The following GREP1 variants were observed in gnomAD, a reference collection of about 807,000 sequenced individuals.
The protein encoded by GREP1 is glycine rich extracellular protein 1.
At chr16:2,996,617 G>A in intron 19 of GREP1, 56 bp from the exon 19 acceptor site, 1 of 399,218 alleles carries the variant, frequency 2.5e-6, no homozygotes, top group Non-Finnish European at 4.4e-6. Context: ...GAGAGCTGGG[G>A]TCTGGGGATC....
chr16:2,994,972 G>A lies in GREP1; in HGVS notation c.484+10G>A. On this transcript the variant is annotated intron_variant, in intron 13 of 34. Transcript: ENST00000573315. ...CTGGGAGCCCAGCCAGGTGAAGGGG[G>A]TACAGTCTGGGGTTCCAGGGTCTGC... 1 of 399,216 alleles carries A rather than the reference G, an allele frequency of 2.5e-6. No individual in the cohort carries two copies. 24.7% of individuals were successfully genotyped at this position (399,216 alleles called of 1,614,324 possible).
chr16:2,990,479 A>G (rs995996690), exon 6 of GREP1: 18 of 399,292 alleles, frequency 4.5e-5, no homozygotes, highest in Non-Finnish European at 7.5e-5. Flanking sequence ...ATGAAACCCC[A>G]AAACCTAGGT....
rs1266650301 is a variant in GREP1, at chr16:2,992,441, C to T, written c.323-364C>T. ...AAACGGACCGGGAACCCAGCCAGGT[C>T]GGGGCCGAAGGGGCTGGGGTGGCTG... On this transcript the variant is annotated intron_variant, in intron 8 of 34. Coordinates refer to ENST00000573315, the Ensembl canonical transcript of GREP1. The surrounding 1 kb of genome is among the most constrained non-coding windows in gnomAD (Gnocchi z 4.9). 4 of 176,896 alleles carry T rather than the reference C, an allele frequency of 2.3e-5. No individual in the cohort carries two copies. Among genetic ancestry groups the T allele is most frequent in the East Asian group, 2.9e-4 (2 of 6,822 alleles). The allele number at this position is 176,896 out of a possible 1,614,324, so 11.0% of individuals were successfully genotyped here.
exon 26 of GREP1, chr16:2,998,905 T>C: frequency 2.5e-6 from 1 of 398,874 alleles, no homozygotes; most frequent in Non-Finnish European, 4.4e-6. Flanking sequence ...ACTCCAGGGG[T>C]CCCTTCGGAC....
At chr16:2,999,787 C>T (rs190507111) in intron 27 of GREP1, 115 bp from the exon 25 acceptor site, 92 of 398,388 alleles carry the variant, frequency 2.3e-4, no homozygotes, top group African/African-American at 1.8e-3. Flanking sequence ...GGTTCCATTC[C>T]CTGTGGACAG....
At chr16:2,999,169 G>C (rs1178585824) in intron 26 of GREP1, 190 bp downstream of exon 24, 6 of 398,668 alleles carry the variant, frequency 1.5e-5, no homozygotes, top group Non-Finnish European at 2.7e-5. Flanking sequence ...TCCCCAGTAT[G>C]GGAGTCCTTT....
At chr16:2,998,860 C>G (rs541430872) in exon 26 of GREP1, 1 of 399,106 alleles carries the variant, frequency 2.5e-6, no homozygotes, top group Admixed American at 4.4e-5. Context: ...CCCTGCAATG[C>G]GAGGGTCGCT....
chr16:2,991,122 G>T lies in GREP1; in HGVS notation c.322+21G>T. On this transcript the variant is annotated intron_variant, in intron 8 of 34. Coordinates refer to ENST00000573315, the Ensembl canonical transcript of GREP1. The surrounding 1 kb of genome is among the most constrained non-coding windows in gnomAD (Gnocchi z 4.9). ...GTCAGGTGAGGAAACGTCGGGTGTG[G>T]CAGGACCTGGGCTTCCAGGAGGGAG... The T allele has an allele frequency of 2.5e-6, 1 of 399,366 alleles. No homozygotes were observed. The highest frequency in any genetic ancestry group is 3.6e-5 in the East Asian group (1 of 28,068). The allele number at this position is 399,366 out of a possible 1,614,324, so 24.7% of individuals were successfully genotyped here.
In GREP1 at chr16:2,989,804, AG is replaced by A. The variant is rs1243553250; in HGVS notation, c.131-168del. ...AGAGCAGAAAGGAAGGAGAGAGGGA[AG>A]GAGGGAGGGAAGGAGGCTGATAGCA... On this transcript the variant is annotated intron_variant, in intron 3 of 34. Coordinates refer to ENST00000573315, the Ensembl canonical transcript of GREP1. The surrounding 1 kb of genome is among the most constrained non-coding windows in gnomAD (Gnocchi z 4.2). Among the ~76,000 whole-genome samples, 1 of 151,360 alleles carries A rather than the reference AG, an allele frequency of 6.6e-6. No individual in the cohort carries two copies. Among genetic ancestry groups the A allele is most frequent in the East Asian group, 2.0e-4 (1 of 5,122 alleles).
chr16:2,995,693 G>C (rs1454934572), intron 16 of GREP1, 39 bp downstream of exon 16: 1 of 398,718 alleles, frequency 2.5e-6, no homozygotes, highest in Non-Finnish European at 4.4e-6. Flanking sequence ...GGAGAATGTG[G>C]GTGGGGCCCC....
Position 2,992,716 on chromosome 16 carries a change from G to A in GREP1, c.323-89G>A, listed in dbSNP as rs1249334686. 11 of 398,034 alleles carry A rather than the reference G, an allele frequency of 2.8e-5. No homozygotes were observed. The highest frequency in any genetic ancestry group is 1.3e-4 in the Admixed American group (3 of 22,700). The allele number at this position is 398,034 out of a possible 1,614,324, so 24.7% of individuals were successfully genotyped here. On this transcript the variant is annotated intron_variant, in intron 8 of 34. Transcript: ENST00000573315. This position sits in a 1 kb window ranked among gnomAD's most constrained non-coding sequence, Gnocchi z 4.9. ...CAGAAAGGCAGAGGGCAGGGGTCAC[G>A]CGAGACAGAAAGGGAGAGGGCAGGG... is the stretch of plus-strand genomic sequence containing the variant.
chr16:2,994,740 C>G lies in GREP1; in HGVS notation c.415+13C>G, dbSNP rs898447247. Reference sequence around the variant, plus strand: ...GGCTATAGACCAGGTAGGGGCGGGGCTGGGGTTTGGGGAGGCCCAGAGCTG... The same window carrying G: ...GGCTATAGACCAGGTAGGGGCGGGGGTGGGGTTTGGGGAGGCCCAGAGCTG... On this transcript the variant is annotated intron_variant, in intron 11 of 34. Coordinates refer to ENST00000573315, the Ensembl canonical transcript of GREP1. 2.8e-5 allele frequency: 11 copies of G among 394,584 alleles called. No homozygotes were observed. Among genetic ancestry groups the G allele is most frequent in the African/African-American group, 4.1e-5 (2 of 48,408 alleles). 24.4% of individuals were successfully genotyped at this position (394,584 alleles called of 1,614,324 possible).
rs529495578 is a variant in GREP1, at chr16:2,996,483, T to G, written c.677-13T>G. The G allele has an allele frequency of 2.5e-6, 1 of 398,372 alleles. No individual in the cohort carries two copies. Among genetic ancestry groups the G allele is most frequent in the East Asian group, 3.6e-5 (1 of 28,014 alleles). The allele number at this position is 398,372 out of a possible 1,614,324, so 24.7% of individuals were successfully genotyped here. A position where few individuals can be genotyped will look rare whatever the true frequency, so the allele number is the denominator to read the frequency against. On this transcript the variant is annotated splice_polypyrimidine_tract_variant and intron_variant, in intron 18 of 34. Transcript: ENST00000573315. Reference sequence around the variant, plus strand: ...ATGCCGCCGTCTCACACCCTCCCCGTCCCTCCCCCTAGAATATGGCCATGG... The same window carrying G: ...ATGCCGCCGTCTCACACCCTCCCCGGCCCTCCCCCTAGAATATGGCCATGG...
rs551896892 is a variant in GREP1 at position 2,990,744 on chromosome 16, G to A, written c.268+157G>A. On this transcript the variant is annotated intron_variant, in intron 7 of 34. Coordinates refer to ENST00000573315, the Ensembl canonical transcript of GREP1. ...AGGGCAGAACAGGTGGGTGTCTCAC[G>A]GGAAGTGGGCAGGAGGGGACGGTGA... 2.8e-4 allele frequency among the ~76,000 whole-genome samples: 43 copies of A among 152,244 alleles called. No homozygotes were observed. The South Asian group carries it at 7.5e-3, about 27-fold the overall frequency.
Position 2,992,594 on chromosome 16 carries a change from C to G in GREP1, c.323-211C>G. ...AGGCCTCGGCTGGCCATGGAGGACA[C>G]CCAAGCTGGTCAAGGGTGGCCACGG... is the stretch of plus-strand genomic sequence containing the variant. On this transcript the variant is annotated intron_variant, in intron 8 of 34. Coordinates refer to ENST00000573315, the Ensembl canonical transcript of GREP1. This position sits in a 1 kb window ranked among gnomAD's most constrained non-coding sequence, Gnocchi z 4.9. 2.6e-6 allele frequency: 1 copy of G among 384,476 alleles called. No homozygotes were observed. The highest frequency in any genetic ancestry group is 4.6e-6 in the Non-Finnish European group (1 of 217,484). 23.8% of individuals were successfully genotyped at this position (384,476 alleles called of 1,614,324 possible). A position where few individuals can be genotyped will look rare whatever the true frequency, so the allele number is the denominator to read the frequency against.
intron 7 of GREP1, 116 bp downstream of exon 6, chr16:2,990,703 C>T: frequency 2.5e-6 from 1 of 398,496 alleles, no homozygotes; most frequent in Non-Finnish European, 4.4e-6. Flanking sequence ...CTTCTCCAGG[C>T]TCCCAGGCCT....
intron 18 of GREP1, chr16:2,995,993 C>T (rs2072422679): frequency 2.3e-5 from 9 of 392,502 alleles, no homozygotes; most frequent in Admixed American, 4.5e-5. Flanking sequence ...AGTGCAGTGG[C>T]GCAATCTCGG....
At position 2,989,083 on chromosome 16, in the gene GREP1, G is replaced by A. The variant is rs1428951336; in HGVS notation, c.101-440G>A. The A allele has an allele frequency of 8.5e-6, 2 of 236,622 alleles. No individual in the cohort carries two copies. Among genetic ancestry groups the A allele is most frequent in the South Asian group, 1.8e-4 (1 of 5,584 alleles). 14.7% of individuals were successfully genotyped at this position (236,622 alleles called of 1,614,324 possible). A position where few individuals can be genotyped will look rare whatever the true frequency, so the allele number is the denominator to read the frequency against. The stretch of plus-strand genomic sequence containing the variant: ...CATCTGAGCTTCAGGAGAGAAAGAT[G>A]GGGGGCAGAGGTGGTGAGAAGAAGA... On this transcript the variant is annotated intron_variant, in intron 2 of 34. Transcript: ENST00000573315. The surrounding 1 kb of genome is among the most constrained non-coding windows in gnomAD (Gnocchi z 4.2).
intron 10 of GREP1, 163 bp from the exon 12 acceptor site, chr16:2,994,535 C>T (rs1283037540): frequency 2.5e-6 from 1 of 397,440 alleles, no homozygotes; most frequent in East Asian, 3.6e-5. Flanking sequence ...AGAGCTCAGA[C>T]CCAAGATGTG....
Sources: gnomAD v4.1 joint callset for allele counts (sites outside exome capture counted in the v4.1 genomes callset) on GRCh38, gnomAD v4.1.1 for gene constraint, Gnocchi (gnomAD v3.1) non-coding constraint, MANE v1.5 for transcripts, NCBI Gene and HGNC (gene_info 2026-07-23, HGNC 2026-07-21) for gene names.